Variants in ENTREP2 observed in about 807,000 individuals in gnomAD.
ENTREP2 encodes the protein protein ENTREP2.
chr15:29,395,197 T>C, the ENTREP2 span, among the ~76,000 whole-genome samples: 2 of 151,798 alleles, frequency 1.3e-5, no homozygotes, highest in Non-Finnish European at 2.9e-5. Context: ...CTCTCCTTCC[T>C]TTGTAAGTCT....
At chr15:29,326,076 A>G in the ENTREP2 span, among the ~76,000 whole-genome samples, 15 of 152,236 alleles carry the variant, frequency 9.9e-5, no homozygotes, top group East Asian at 2.7e-3. Flanking sequence ...AAGAACAAAG[A>G]TGATCTTCCT....
At chr15:29,620,377 G>A in the ENTREP2 span, among the ~76,000 whole-genome samples, 1 of 152,088 alleles carries the variant, frequency 6.6e-6, no homozygotes, top group African/African-American at 2.4e-5. Context: ...GAGGTGGGCC[G>A]GCAGGTCAGG....
At chr15:29,415,511 G>A in the ENTREP2 span, among the ~76,000 whole-genome samples, 1 of 151,978 alleles carries the variant, frequency 6.6e-6, no homozygotes, top group Non-Finnish European at 1.5e-5. Context: ...AAAATAATAA[G>A]AGCTATCTAT....
chr15:29,408,404 G>A, the ENTREP2 span, among the ~76,000 whole-genome samples: 3 of 125,316 alleles, frequency 2.4e-5, no homozygotes, highest in African/African-American at 3.5e-5. Context: ...GGCTTGTAGG[G>A]GTAACAGATC....
the ENTREP2 span, among the ~76,000 whole-genome samples, chr15:29,486,790 A>C: frequency 3.3e-5 from 5 of 152,220 alleles, no homozygotes; most frequent in Admixed American, 2.6e-4. Flanking sequence ...AGGCACTGGA[A>C]GACAAATACC....
the ENTREP2 span, among the ~76,000 whole-genome samples, chr15:29,194,597 T>G: frequency 7.2e-5 from 11 of 152,232 alleles, no homozygotes; most frequent in African/African-American, 2.7e-4. Context: ...GCCTTTACTC[T>G]ATGCCGTTTT....
the ENTREP2 span, among the ~76,000 whole-genome samples, chr15:29,531,306 G>A: frequency 6.6e-6 from 1 of 152,094 alleles, no homozygotes. Flanking sequence ...ATTTTACCAG[G>A]GCTCTTTGCA....
chr15:29,528,447 G>A, the ENTREP2 span, among the ~76,000 whole-genome samples: 9 of 151,900 alleles, frequency 5.9e-5, no homozygotes, highest in African/African-American at 1.5e-4. Context: ...AAATCCAGCC[G>A]CTAGTACCCA....
At chr15:29,118,821 C>T in the ENTREP2 span, among the ~76,000 whole-genome samples, 287 of 152,148 alleles carry the variant, frequency 1.9e-3, 1 homozygote, top group African/African-American at 6.4e-3. Flanking sequence ...TTCTTCATGG[C>T]CACCGTTCTG....
At chr15:29,659,553 G>A in the ENTREP2 span, among the ~76,000 whole-genome samples, 1 of 152,210 alleles carries the variant, frequency 6.6e-6, no homozygotes, top group East Asian at 1.9e-4. Flanking sequence ...AGAACAGACT[G>A]GAACCACAGT....
the ENTREP2 span, among the ~76,000 whole-genome samples, chr15:29,249,454 T>C: frequency 6.6e-6 from 1 of 152,144 alleles, no homozygotes; most frequent in African/African-American, 2.4e-5. Context: ...TACACACACA[T>C]TATGCACAGA....
the ENTREP2 span, among the ~76,000 whole-genome samples, chr15:29,158,108 T>C: frequency 2.2e-4 from 33 of 152,256 alleles, no homozygotes; most frequent in Admixed American, 6.5e-4. Flanking sequence ...ATTGACCACA[T>C]AATCCACTGT....
the ENTREP2 span, among the ~76,000 whole-genome samples, chr15:29,654,574 C>T: frequency 1.2e-4 from 18 of 152,250 alleles, no homozygotes; most frequent in East Asian, 9.7e-4. Flanking sequence ...ACCCATCCTA[C>T]GCTCTCAATG....
the ENTREP2 span, among the ~76,000 whole-genome samples, chr15:29,478,555 C>A: frequency 6.6e-6 from 1 of 151,892 alleles, no homozygotes; most frequent in Non-Finnish European, 1.5e-5. Flanking sequence ...GGGGGCAGAT[C>A]CCTCATGGCT....
At chr15:29,402,265 T>TATATATATATATATATATATATACAC in the ENTREP2 span, among the ~76,000 whole-genome samples, 45 of 137,842 alleles carry the variant, frequency 3.3e-4, no homozygotes, top group South Asian at 4.8e-4. Context: ...TATATATATA[T>TATATATATATATATATATATATACAC]ACACACACAT....
chr15:29,476,349 T>C, the ENTREP2 span, among the ~76,000 whole-genome samples: 300 of 152,348 alleles, frequency 2.0e-3, no homozygotes, highest in Non-Finnish European at 3.8e-3. Flanking sequence ...TGTGTAGTTC[T>C]ATTGGACTCA....
At chr15:29,614,432 C>A in the ENTREP2 span, among the ~76,000 whole-genome samples, 2 of 152,222 alleles carry the variant, frequency 1.3e-5, no homozygotes, top group Non-Finnish European at 2.9e-5. Flanking sequence ...GCTGCCTTTA[C>A]CTTGTTTATC....
the ENTREP2 span, among the ~76,000 whole-genome samples, chr15:29,350,162 A>G: frequency 6.6e-6 from 1 of 152,172 alleles, no homozygotes; most frequent in Admixed American, 6.5e-5. Flanking sequence ...CTATTAAGAA[A>G]TAGGGGGATT....
chr15:29,191,771 G>A, the ENTREP2 span, among the ~76,000 whole-genome samples: 4 of 152,148 alleles, frequency 2.6e-5, no homozygotes, highest in African/African-American at 7.2e-5. Flanking sequence ...AAAATTAGCT[G>A]GGCATGGTGG....
Sources: allele counts gnomAD v4.1 joint callset (sites outside exome capture counted in the v4.1 genomes callset), GRCh38; gene constraint gnomAD v4.1.1; transcripts MANE v1.5; gene names NCBI Gene and HGNC (gene_info 2026-07-23, HGNC 2026-07-21).